The following SLC17A2 variants were observed in gnomAD, a reference collection of about 807,000 sequenced individuals.
SLC17A2 encodes sodium-dependent phosphate transport protein 3.
In SLC17A2, 38 loss-of-function variants were observed where a neutral mutation model predicts 52.1. The ratio of observed to expected loss-of-function variants is 0.73; its 90% CI spans 0.56 to 0.96. The LOEUF (loss-of-function observed/expected upper bound fraction) is 0.96, where lower values mean the gene tolerates loss of function less well. SLC17A2 is among the 40% of genes least tolerant of loss of function. The probability of loss-of-function intolerance (pLI) is 0.00; values close to 1 mark genes in which losing one functional copy is unlikely to be tolerated. For synonymous variants in SLC17A2, 226 were observed against 211.9 expected, an observed-to-expected ratio of 1.07 and a Z score of -0.58; for missense variants, 508 against 583.9, an observed-to-expected ratio of 0.87 and a Z score of 1.34.
chr6:25,926,069 A>G (rs1224122066), intron 1 of SLC17A2, among the ~76,000 whole-genome samples, 190 bp from the exon 2 acceptor site: 1 of 152,214 alleles, frequency 6.6e-6, no homozygotes, highest in Non-Finnish European at 1.5e-5. Flanking sequence ...CAGCTGTGTG[A>G]CCTAGAGCTA....
In SLC17A2 at chr6:25,915,721, C is replaced by A; in HGVS notation, c.1063+15G>T. On this transcript the variant is annotated intron_variant, in intron 9 of 11. Coordinates refer to ENST00000377850, the MANE Select transcript of SLC17A2 (RefSeq NM_001286123.3). ...AAAAGGGATTGGTTAAATGGGCCCA[C>A]ACGCTTATCCTTACCAAGAGATGAA... The A allele has an allele frequency of 1.9e-6, 3 of 1,613,314 alleles. No homozygotes were observed. Among genetic ancestry groups the A allele is most frequent in the Non-Finnish European group, 1.7e-6 (2 of 1,179,710 alleles).
At chr6:25,921,689 A>G (rs1180002480) in intron 3 of SLC17A2, among the ~76,000 whole-genome samples, 1 of 152,198 alleles carries the variant, frequency 6.6e-6, no homozygotes, top group Non-Finnish European at 1.5e-5. Context: ...ATTGAGAGAT[A>G]TTTCATCTGT....
Position 25,917,081 on chromosome 6 carries a change from G to A in SLC17A2, c.656C>T (p.Thr219Ile). ...WPFIFYIFGS[T>I]GCVCCLLWFT... ...CCATAGGAGACAGCAGACACAGCCA[G>A]TGCTACCTGGGAAGAAGGGATAAAA... Residue 219 changes from threonine (T) to isoleucine (I), a missense_variant, in exon 7 of 12, where the codon ACT becomes ATT. Transcript: ENST00000377850. The A allele has an allele frequency of 1.9e-6, 3 of 1,612,960 alleles. No individual in the cohort carries two copies. The highest frequency in any genetic ancestry group is 2.5e-6 in the Non-Finnish European group (3 of 1,178,988).
intron 1 of SLC17A2, among the ~76,000 whole-genome samples, chr6:25,928,362 T>C (rs1244310759): frequency 2.0e-5 from 3 of 152,150 alleles, no homozygotes; most frequent in Non-Finnish European, 4.4e-5. Context: ...GGAAGTTTGA[T>C]AATGAAAAAT....
At chr6:25,918,406 T>C (rs1766409382) in intron 6 of SLC17A2, 81 bp downstream of exon 6, 1 of 829,106 alleles carries the variant, frequency 1.2e-6, no homozygotes. Context: ...TTCTTTCATA[T>C]AGGAAGAATG....
At chr6:25,919,617 G>A (rs1766464439) in intron 5 of SLC17A2, among the ~76,000 whole-genome samples, 1 of 146,692 alleles carries the variant, frequency 6.8e-6, no homozygotes, top group Non-Finnish European at 1.5e-5. Flanking sequence ...GGAAAATGGC[G>A]TGAACCCGGG....
In SLC17A2 at chr6:25,913,331, G is replaced by A. The variant is rs778995629; in HGVS notation, c.1423C>T (p.Leu475Phe). 1.9e-6 allele frequency: 3 copies of A among 1,614,104 alleles called. No individual in the cohort carries two copies. The highest frequency in any genetic ancestry group is 2.5e-6 in the Non-Finnish European group (3 of 1,179,986). Residue 475 changes from leucine to phenylalanine, a missense_variant, in exon 12 of 12, where the codon CTT (leucine) becomes TTT (phenylalanine). Transcript: ENST00000377850. ...ELQDWAKERTLTRL is the reference protein window; with the variant it reads ...ELQDWAKERTFTRL ...ACTTTATGTCCTCAGAGGCGGGTAA[G>A]GGTCCTCTCTTTGGCCCAGTCTTGA... is the stretch of plus-strand genomic sequence containing the variant.
intron 11 of SLC17A2, 80 bp downstream of exon 11, chr6:25,914,500 A>G: frequency 1.1e-6 from 1 of 883,540 alleles, no homozygotes; most frequent in Non-Finnish European, 1.9e-6. Context: ...GTTGCCATCC[A>G]GATCTTTAGA....
intron 10 of SLC17A2, among the ~76,000 whole-genome samples, chr6:25,914,906 C>T (rs1324084): frequency 0.35 from 52,818 of 151,256 alleles, 10,350 homozygotes; most frequent in East Asian, 0.7. Flanking sequence ...TTCTTTACCC[C>T]GGCTGCTCAG....
intron 1 of SLC17A2, among the ~76,000 whole-genome samples, chr6:25,930,030 C>A (rs1766898336): frequency 6.6e-6 from 1 of 152,190 alleles, no homozygotes; most frequent in African/African-American, 2.4e-5. Flanking sequence ...GTTGGCCAGG[C>A]TGGTCTCAAA....
chr6:25,914,642 T>G lies in SLC17A2; in HGVS notation c.1240A>C (p.Arg414=). 1 of 1,612,262 alleles carries G rather than the reference T, an allele frequency of 6.2e-7. No homozygotes were observed. The highest frequency in any genetic ancestry group is 8.5e-7 in the Non-Finnish European group (1 of 1,178,330). ...ATTCCTGCGATGAGCCCAAATCCCC[T>G]TGAGATTCCCATGAGGAAACTTGCA... ...RYASFLMGIS[R]GFGLIAGIIS... is the part of the protein sequence containing the mutation. Residue 414 remains arginine, a synonymous_variant, in exon 11 of 12, where the codon AGG becomes CGG. Coordinates refer to ENST00000377850, the MANE Select transcript of SLC17A2 (RefSeq NM_001286123.3).
Position 25,923,695 on chromosome 6 carries a change from C to T in SLC17A2, c.240G>A (p.Lys80=). 6.2e-7 allele frequency: 1 copy of T among 1,612,920 alleles called. No individual in the cohort carries two copies. Among genetic ancestry groups the T allele is most frequent in the Non-Finnish European group, 8.5e-7 (1 of 1,178,986 alleles). Residue 80 remains lysine, a splice_region_variant and synonymous_variant, in exon 3 of 12, where the codon AAG becomes AAA. Coordinates refer to ENST00000377850, the MANE Select transcript of SLC17A2 (RefSeq NM_001286123.3). The stretch of plus-strand genomic sequence containing the variant: ...GAGCCCTATTTTCCATCATACTTAC[C>T]TTTGTATCAAATTCCTTGATGGATA... ...SSISIKEFDT[K]ASVYQWSPET...
Position 25,912,792 on chromosome 6 carries a change from CATAA to C in SLC17A2, c.*521_*524del, listed in dbSNP as rs1766151444. The C allele has an allele frequency of 6.6e-6, 1 of 152,074 alleles. No homozygotes were observed. Among genetic ancestry groups the C allele is most frequent in the Non-Finnish European group, 1.5e-5 (1 of 68,030 alleles). 9.4% of individuals were successfully genotyped at this position (152,074 alleles called of 1,614,324 possible). On this transcript the variant is annotated 3_prime_UTR_variant, in exon 12 of 12. Coordinates refer to ENST00000377850, the MANE Select transcript of SLC17A2 (RefSeq NM_001286123.3). ...TGTAAATTTTAATAGAATTTAATCA[CATAA>C]ATAAACGTCTATGTTTTACAATGTA...
intron 6 of SLC17A2, among the ~76,000 whole-genome samples, chr6:25,917,363 T>C (rs1766366887): frequency 6.6e-6 from 1 of 152,238 alleles, no homozygotes; most frequent in Non-Finnish European, 1.5e-5. Flanking sequence ...TTAATTACTT[T>C]AAAGTCTCCA....
At chr6:25,923,050 G>A (rs1046350859) in intron 3 of SLC17A2, among the ~76,000 whole-genome samples, 4 of 152,044 alleles carry the variant, frequency 2.6e-5, no homozygotes, top group Non-Finnish European at 5.9e-5. Context: ...AGCCAGCCGC[G>A]GTGGCATGCC....
In SLC17A2 at chr6:25,925,851, G is replaced by GA; in HGVS notation, c.-56dup. 6.4e-7 allele frequency: 1 copy of GA among 1,570,208 alleles called. No homozygotes were observed. Among genetic ancestry groups the GA allele is most frequent in the South Asian group, 1.1e-5 (1 of 90,218 alleles). On this transcript the variant is annotated 5_prime_UTR_variant, in exon 2 of 12. The change creates a premature stop within an existing upstream ORF in the 5' untranslated region. Coordinates refer to ENST00000377850, the MANE Select transcript of SLC17A2 (RefSeq NM_001286123.3). Reference sequence around the variant, plus strand: ...TTGTGGTGGAGTTTCCCTGTGCCCTGAATCTCTTTTACTACGACAGTCTTT... The same window carrying GA: ...TTGTGGTGGAGTTTCCCTGTGCCCTGAAATCTCTTTTACTACGACAGTCTTT...
chr6:25,913,287 T>C lies in SLC17A2; in HGVS notation c.*30A>G, dbSNP rs1458656150. The C allele has an allele frequency of 6.2e-7, 1 of 1,613,348 alleles. No individual in the cohort carries two copies. Among genetic ancestry groups the C allele is most frequent in the South Asian group, 1.1e-5 (1 of 91,056 alleles). ...AAATGTTTAAAAAGTTCATGCTCAG[T>C]ACCACATTTAAGTTTGTAACTTTAT... On this transcript the variant is annotated 3_prime_UTR_variant, in exon 12 of 12. Coordinates refer to ENST00000377850, the MANE Select transcript of SLC17A2 (RefSeq NM_001286123.3).
chr6:25,913,170 C>A lies in SLC17A2; in HGVS notation c.*147G>T. On this transcript the variant is annotated 3_prime_UTR_variant, in exon 12 of 12. Coordinates refer to ENST00000377850, the MANE Select transcript of SLC17A2 (RefSeq NM_001286123.3). ...AATCTCTGGAGTGGGTCCCAAGTAT[C>A]AGTGTCTTATAAAGGCTCCCCAGGG... The A allele has an allele frequency of 1.3e-6, 1 of 781,180 alleles. No homozygotes were observed. Among genetic ancestry groups the A allele is most frequent in the Non-Finnish European group, 2.1e-6 (1 of 469,928 alleles). The allele number at this position is 781,180 out of a possible 1,614,324, so 48.4% of individuals were successfully genotyped here.
At position 25,913,025 on chromosome 6, in the gene SLC17A2, A is replaced by G. The variant is rs532019528; in HGVS notation, c.*292T>C. ...TTCCAATGAGGAAAATTCAAAGGCC[A>G]CATGAATTGACTTTTCAAGTTTGTC... On this transcript the variant is annotated 3_prime_UTR_variant, in exon 12 of 12. Transcript: ENST00000377850. The G allele has an allele frequency of 6.9e-6, 2 of 287,926 alleles. No homozygotes were observed. Among genetic ancestry groups the G allele is most frequent in the Non-Finnish European group, 6.5e-6 (1 of 154,094 alleles). 17.8% of individuals were successfully genotyped at this position (287,926 alleles called of 1,614,324 possible).
Sources: allele counts gnomAD v4.1 joint callset (sites outside exome capture counted in the v4.1 genomes callset), GRCh38; gene constraint gnomAD v4.1.1; transcripts MANE v1.5; gene names NCBI Gene and HGNC (gene_info 2026-07-23, HGNC 2026-07-21).